SLC14A2: variants seen among roughly 807,000 people sequenced by gnomAD.
SLC14A2 encodes solute carrier family 14 member 2.
Under a neutral mutation model 104.6 loss-of-function variants are expected in SLC14A2, and 91 were observed. That is an observed-to-expected ratio of 0.87 (90% CI 0.73 to 1.04). The LOEUF (loss-of-function observed/expected upper bound fraction) is 1.04. SLC14A2 is among the 50% of genes least tolerant of loss of function. The pLI is 0.00. For missense variants in SLC14A2, 1,189 were observed against 1,156.0 expected (o/e 1.03, Z -0.41); for synonymous variants, 476 against 466.4 (o/e 1.02, Z -0.27).
chr18:45,190,879 C>T, the SLC14A2 span, among the ~76,000 whole-genome samples: 2 of 152,116 alleles, frequency 1.3e-5, no homozygotes, highest in African/African-American at 2.4e-5. Context: ...AACTGCAGGG[C>T]CAGGATTATA....
rs116560150 is a variant in SLC14A2, at chr18:45,571,469, T to C, written c.-34-53162T>C. ...TCCTGACAATGAGCCGGCTGGCCCT[T>C]TTCAGTTTCAAGGATTTACTGGTAG... On this transcript the variant is annotated intron_variant, in intron 2 of 20. Coordinates refer to the SLC14A2 transcript ENST00000586448. Among the ~76,000 whole-genome samples, 719 of 152,334 alleles carry C rather than the reference T, an allele frequency of 4.7e-3. 5 individuals carry two copies. The highest frequency in any genetic ancestry group is 0.016 in the African/African-American group (679 of 41,578).
chr18:45,432,480 A>T (rs1179871115), intron 1 of SLC14A2, among the ~76,000 whole-genome samples: 2 of 152,286 alleles, frequency 1.3e-5, no homozygotes, highest in South Asian at 4.1e-4. Context: ...AAACCCAGGG[A>T]GTCCCCTGGG....
chr18:45,649,391 C>T (rs2144582127), intron 10 of SLC14A2, among the ~76,000 whole-genome samples: 1 of 152,276 alleles, frequency 6.6e-6, no homozygotes, highest in East Asian at 1.9e-4. Flanking sequence ...CTAAATTGTG[C>T]TAAGACCATT....
intron 1 of SLC14A2, among the ~76,000 whole-genome samples, chr18:45,248,477 G>C (rs1267362461): frequency 6.6e-6 from 1 of 151,984 alleles, no homozygotes; most frequent in East Asian, 1.9e-4. Context: ...TGTTCCCCCC[G>C]AGATCTCAGC....
At chr18:45,634,871 C>T (rs2045394042) in intron 5 of SLC14A2, 1 of 456,902 alleles carries the variant, frequency 2.2e-6, no homozygotes, top group Non-Finnish European at 4.4e-6. Flanking sequence ...GAAGCATCTG[C>T]TACAATAATC....
chr18:45,293,287 TATTC>T (rs940317629), intron 1 of SLC14A2, among the ~76,000 whole-genome samples: 1 of 152,190 alleles, frequency 6.6e-6, no homozygotes, highest in African/African-American at 2.4e-5. Flanking sequence ...TTCATTCATG[TATTC>T]ATTCATAAAC....
intron 2 of SLC14A2, among the ~76,000 whole-genome samples, chr18:45,545,588 G>T (rs550490461): frequency 6.6e-6 from 1 of 152,146 alleles, no homozygotes; most frequent in African/African-American, 2.4e-5. Flanking sequence ...CAAGAAACAC[G>T]CCATGATATT....
At chr18:45,467,215 C>A (rs922412507) in intron 1 of SLC14A2, among the ~76,000 whole-genome samples, 7 of 152,180 alleles carry the variant, frequency 4.6e-5, no homozygotes, top group African/African-American at 1.7e-4. Context: ...CTGGCTCCAG[C>A]AGTAGAAGGT....
chr18:45,508,973 C>T (rs1024959137), intron 2 of SLC14A2, among the ~76,000 whole-genome samples: 10 of 152,320 alleles, frequency 6.6e-5, no homozygotes, highest in Non-Finnish European at 1.3e-4. Flanking sequence ...ATCCCCCAAA[C>T]CTTCAGATCC....
chr18:45,378,325 C>G (rs940688233), intron 1 of SLC14A2, among the ~76,000 whole-genome samples: 3 of 152,126 alleles, frequency 2.0e-5, no homozygotes, highest in Non-Finnish European at 4.4e-5. Context: ...TTGAGGTCTC[C>G]AGAGTAAAAT....
At chr18:45,398,302 C>T (rs1402613481) in intron 1 of SLC14A2, among the ~76,000 whole-genome samples, 1 of 152,028 alleles carries the variant, frequency 6.6e-6, no homozygotes, top group Non-Finnish European at 1.5e-5. Flanking sequence ...TTGTTAATTT[C>T]CTACCAAAAT....
chr18:45,407,335 C>T (rs979247367), intron 1 of SLC14A2, among the ~76,000 whole-genome samples: 3 of 152,198 alleles, frequency 2.0e-5, no homozygotes, highest in African/African-American at 7.2e-5. Context: ...CTGAAGTTTC[C>T]TCACCTTTCT....
intron 7 of SLC14A2, among the ~76,000 whole-genome samples, chr18:45,640,263 G>A (rs1229015627): frequency 3.3e-5 from 5 of 151,248 alleles, no homozygotes; most frequent in South Asian, 4.2e-4. Flanking sequence ...GAAATAGAGT[G>A]AGACTCCGTC....
chr18:45,478,368 G>T (rs2087425385), intron 1 of SLC14A2, among the ~76,000 whole-genome samples: 1 of 152,192 alleles, frequency 6.6e-6, no homozygotes, highest in Admixed American at 6.5e-5. Flanking sequence ...TGGAAATGCA[G>T]AAATCACCTG....
intron 1 of SLC14A2, among the ~76,000 whole-genome samples, chr18:45,340,817 C>T (rs2144282136): frequency 6.6e-6 from 1 of 152,136 alleles, no homozygotes; most frequent in Admixed American, 6.5e-5. Flanking sequence ...CTGCGATGGC[C>T]CTTTATGTGT....
intron 8 of SLC14A2, among the ~76,000 whole-genome samples, chr18:45,641,933 G>GC (rs1362409257): frequency 1.3e-5 from 2 of 152,164 alleles, no homozygotes; most frequent in African/African-American, 4.8e-5. Context: ...CTGTATCCCA[G>GC]CACCATACCC....
chr18:45,308,478 C>T lies in SLC14A2; in HGVS notation c.-125+95287C>T, dbSNP rs575261274. On this transcript the variant is annotated intron_variant, in intron 1 of 20. Transcript: ENST00000586448. ...TAGAAGAAACGTATTTTAAAGACCT[C>T]GCCTGAACTGCCATATTAATCGCTG... is the stretch of plus-strand genomic sequence containing the variant. 5.3e-5 allele frequency among the ~76,000 whole-genome samples: 8 copies of T among 152,280 alleles called. No individual in the cohort carries two copies. In the East Asian group the frequency reaches 5.8e-4, roughly 11 times the overall value.
intron 1 of SLC14A2, among the ~76,000 whole-genome samples, chr18:45,219,694 G>A (rs1262070415): frequency 1.3e-5 from 2 of 152,118 alleles, no homozygotes; most frequent in Non-Finnish European, 2.9e-5. Flanking sequence ...ATTTCTTATT[G>A]TTTGTCTTTA....
At chr18:45,455,823 A>G (rs1375538445) in intron 1 of SLC14A2, among the ~76,000 whole-genome samples, 2 of 152,206 alleles carry the variant, frequency 1.3e-5, no homozygotes, top group African/African-American at 4.8e-5. Flanking sequence ...ATTTACGTAT[A>G]TTAGACAAAA....
Sources: gnomAD v4.1 joint callset for allele counts (sites outside exome capture counted in the v4.1 genomes callset) on GRCh38, gnomAD v4.1.1 for gene constraint, MANE v1.5 for transcripts, NCBI Gene and HGNC (gene_info 2026-07-23, HGNC 2026-07-21) for gene names.